CLIP1: variants seen among roughly 807,000 people sequenced by gnomAD.
CLIP1 encodes CAP-Gly domain-containing linker protein 1.
A neutral mutation model predicts 161.6 loss-of-function variants in CLIP1; 66 were observed. The ratio of observed to expected loss-of-function variants is 0.41; its 90% CI spans 0.33 to 0.50. CLIP1 has a LOEUF of 0.50. CLIP1 is among the 20% of genes least tolerant of loss of function. The pLI is 0.27. For synonymous variants in CLIP1, 598 were observed against 626.2 expected, an observed-to-expected ratio of 0.96 and a Z score of 0.67; for missense variants, 1,376 against 1,702.0, an observed-to-expected ratio of 0.81 and a Z score of 3.37.
In CLIP1 at chr12:122,278,782, C is replaced by A. The variant is rs757566706; in HGVS notation, c.3916+10G>T. The A allele has an allele frequency of 6.3e-7, 1 of 1,578,666 alleles. No homozygotes were observed. Among genetic ancestry groups the A allele is most frequent in the Non-Finnish European group, 8.6e-7 (1 of 1,164,356 alleles). On this transcript the variant is annotated intron_variant, in intron 23 of 25. Transcript: ENST00000620786. ...GGTGTACAGAGAAGCACTGGGCAGG[C>A]GCCCTTTACCTGAGGAGCTGCTGAG...
chr12:122,371,925 C>A (rs1166696482), intron 3 of CLIP1, among the ~76,000 whole-genome samples: 2 of 152,190 alleles, frequency 1.3e-5, no homozygotes, highest in African/African-American at 2.4e-5. Flanking sequence ...CCATGTATTT[C>A]CCTCCTGGAC....
At chr12:122,372,524 A>C (rs1954506189) in intron 3 of CLIP1, among the ~76,000 whole-genome samples, 1 of 151,290 alleles carries the variant, frequency 6.6e-6, no homozygotes, top group African/African-American at 2.4e-5. Flanking sequence ...GGGGCAGAGG[A>C]TGCAGTGAAC....
At chr12:122,286,308 G>A (rs1002258569) in intron 21 of CLIP1, among the ~76,000 whole-genome samples, 9 of 151,814 alleles carry the variant, frequency 5.9e-5, no homozygotes, top group African/African-American at 2.2e-4. Context: ...CACGAGGTCA[G>A]GAGTTAGAGA....
At chr12:122,368,178 T>C (rs1271865622) in intron 3 of CLIP1, among the ~76,000 whole-genome samples, 1 of 152,206 alleles carries the variant, frequency 6.6e-6, no homozygotes, top group Non-Finnish European at 1.5e-5. Flanking sequence ...CTCAGATTTT[T>C]AAGTTCTCAT....
chr12:122,334,579 A>G (rs1228222189), intron 13 of CLIP1, 69 bp downstream of exon 13: 2 of 1,062,002 alleles, frequency 1.9e-6, no homozygotes, highest in African/African-American at 1.6e-5. Context: ...TGTGCACTCC[A>G]CAGGTCAGCT....
At chr12:122,352,685 T>C (rs754635887) in intron 8 of CLIP1, 41 bp downstream of exon 8, 4 of 1,519,988 alleles carry the variant, frequency 2.6e-6, no homozygotes, top group African/African-American at 1.4e-5. Context: ...TTCTGAATAC[T>C]GATACCCATA....
At chr12:122,374,339 G>A (rs569174411) in intron 3 of CLIP1, among the ~76,000 whole-genome samples, 20 of 148,444 alleles carry the variant, frequency 1.3e-4, no homozygotes, top group South Asian at 4.2e-4. Flanking sequence ...AAAAAATAGC[G>A]GCCGGGCGCA....
chr12:122,363,752 A>G (rs1204380760), intron 4 of CLIP1, among the ~76,000 whole-genome samples: 3 of 152,042 alleles, frequency 2.0e-5, no homozygotes, highest in Non-Finnish European at 4.4e-5. Context: ...AATAAACAGA[A>G]TGCTTGTTCA....
Position 122,311,921 on chromosome 12 carries a change from G to T in CLIP1, c.3474-2039C>A, listed in dbSNP as rs1160311886. Among the ~76,000 whole-genome samples, 1 of 152,198 alleles carries T rather than the reference G, an allele frequency of 6.6e-6. No individual in the cohort carries two copies. The highest frequency in any genetic ancestry group is 2.4e-5 in the African/African-American group (1 of 41,450). ...GAGCTACAGCTGGCAGATGACTTCA[G>T]TCGTGGTTCAGATATAGAGCACTTT... On this transcript the variant is annotated intron_variant, in intron 19 of 25. Transcript: ENST00000620786. This position sits in a 1 kb window ranked among gnomAD's most constrained non-coding sequence, Gnocchi z 4.3.
At chr12:122,408,956 T>C (rs940260339) in intron 1 of CLIP1, among the ~76,000 whole-genome samples, 61 of 151,838 alleles carry the variant, frequency 4.0e-4, no homozygotes, top group African/African-American at 1.4e-3. Context: ...GGATTACAGG[T>C]CTGCACAACC....
At chr12:122,366,455 G>A (rs750818358) in intron 3 of CLIP1, among the ~76,000 whole-genome samples, 3 of 152,150 alleles carry the variant, frequency 2.0e-5, no homozygotes, top group Non-Finnish European at 4.4e-5. Context: ...ACTACAGCCT[G>A]GGCAATAGAA....
At chr12:122,391,189 G>A (rs953179296) in intron 1 of CLIP1, among the ~76,000 whole-genome samples, 4 of 152,168 alleles carry the variant, frequency 2.6e-5, no homozygotes, top group East Asian at 1.9e-4. Context: ...TTAGGAGGCT[G>A]AGGCAGGAGG....
At chr12:122,330,372 A>C (rs1422568691) in intron 15 of CLIP1, among the ~76,000 whole-genome samples, 1 of 152,178 alleles carries the variant, frequency 6.6e-6, no homozygotes, top group Non-Finnish European at 1.5e-5. Context: ...TGTGGGGGTG[A>C]AAGGCTGGAT....
At chr12:122,302,385 C>T (rs1367561445) in intron 20 of CLIP1, among the ~76,000 whole-genome samples, 1 of 152,076 alleles carries the variant, frequency 6.6e-6, no homozygotes, top group Non-Finnish European at 1.5e-5. Flanking sequence ...CAGGCATGAA[C>T]CACCATGCCC....
intron 20 of CLIP1, among the ~76,000 whole-genome samples, chr12:122,298,559 C>A (rs1376919514): frequency 6.8e-6 from 1 of 147,484 alleles, no homozygotes; most frequent in South Asian, 2.1e-4. Context: ...ATTATGCCAT[C>A]GCACTCCAGC....
At position 122,354,495 on chromosome 12, in the gene CLIP1, C is replaced by G; in HGVS notation, c.1265G>C (p.Arg422Thr). 6.2e-7 allele frequency: 1 copy of G among 1,613,896 alleles called. No individual in the cohort carries two copies. Among genetic ancestry groups the G allele is most frequent in the Non-Finnish European group, 8.5e-7 (1 of 1,179,868 alleles). ...QLRTMVEAAD[R>T]EKVELLNQLE... is the part of the protein sequence containing the mutation. ...CTGGTTGAGAAGCTCCACCTTCTCC[C>G]TGTCAGCAGCTTCCACCATTGTTCG... Residue 422 changes from arginine to threonine, a missense_variant, in exon 7 of 26, where the codon AGG (arginine) becomes ACG (threonine). Transcript: ENST00000620786.
intron 20 of CLIP1, among the ~76,000 whole-genome samples, chr12:122,303,370 G>A (rs1226685258): frequency 6.6e-6 from 1 of 151,970 alleles, no homozygotes; most frequent in Admixed American, 6.6e-5. Context: ...GCTCTACCTA[G>A]ACCTTCCCTT....
At chr12:122,345,456 T>C (rs146750249) in intron 10 of CLIP1, among the ~76,000 whole-genome samples, 15 of 152,068 alleles carry the variant, frequency 9.9e-5, no homozygotes, top group Non-Finnish European at 1.9e-4. Context: ...ACACCATGCC[T>C]GGCCCACTCT....
intron 1 of CLIP1, among the ~76,000 whole-genome samples, chr12:122,392,881 A>G (rs1419907112): frequency 1.3e-5 from 2 of 152,058 alleles, no homozygotes; most frequent in South Asian, 2.1e-4. Flanking sequence ...TCCCAGGCTC[A>G]AGCAATCCTC....
Sources: gnomAD v4.1 joint callset for allele counts (sites outside exome capture counted in the v4.1 genomes callset) on GRCh38, gnomAD v4.1.1 for gene constraint, Gnocchi (gnomAD v3.1) non-coding constraint, MANE v1.5 for transcripts, NCBI Gene and HGNC (gene_info 2026-07-23, HGNC 2026-07-21) for gene names.